The following DIAPH2 variants were observed in gnomAD, a reference collection of about 807,000 sequenced individuals.
The protein encoded by DIAPH2 is diaphanous related formin 2.
DIAPH2 carries 35 observed loss-of-function variants against 92.7 expected under a neutral mutation model. The observed-to-expected ratio is 0.38, with a 90% CI of 0.29 to 0.50. The LOEUF (loss-of-function observed/expected upper bound fraction) is 0.50, where lower values mean the gene tolerates loss of function less well. Among genes scored for constraint, DIAPH2 ranks in the 20% least tolerant of loss-of-function variants. The pLI is 0.94. For synonymous variants in DIAPH2, 301 were observed against 280.4 expected (o/e 1.07, Z -0.73); for missense variants, 701 against 819.5 (o/e 0.86, Z 1.77).
intron 20 of DIAPH2, among the ~76,000 whole-genome samples, chrX:97,106,725 A>C (rs1035132193): frequency 9.0e-6 from 1 of 111,054 alleles, no homozygotes; most frequent in African/African-American, 3.3e-5. Flanking sequence ...CGAGATCAGG[A>C]GTTCGAGACC....
At chrX:97,377,156 A>G (rs2069508522) in intron 24 of DIAPH2, among the ~76,000 whole-genome samples, 1 of 111,720 alleles carries the variant, frequency 9.0e-6, no homozygotes, top group Non-Finnish European at 1.9e-5. Context: ...TGGAGTTGTC[A>G]TCTTGTGTGA....
intron 25 of DIAPH2, among the ~76,000 whole-genome samples, chrX:97,397,082 T>G (rs2147745174): frequency 8.9e-6 from 1 of 112,008 alleles, no homozygotes; most frequent in Admixed American, 9.5e-5. Context: ...CTTAACTTGT[T>G]AGTGGGATAA....
intron 26 of DIAPH2, among the ~76,000 whole-genome samples, chrX:97,538,836 A>G (rs769186235): frequency 1.8e-5 from 2 of 112,281 alleles, no homozygotes; most frequent in Non-Finnish European, 3.8e-5. Flanking sequence ...GTTGATTTCT[A>G]TCTAAGTAGA....
intron 19 of DIAPH2, among the ~76,000 whole-genome samples, chrX:97,089,006 C>A (rs1445760470): frequency 9.0e-6 from 1 of 110,680 alleles, no homozygotes; most frequent in African/African-American, 3.3e-5. Context: ...AACAGAACAG[C>A]CACTTGGTTC....
At chrX:96,884,557 G>T (rs1325329868) in intron 5 of DIAPH2, 9 of 1,208,473 alleles carry the variant, frequency 7.4e-6, no homozygotes, top group African/African-American at 1.8e-5. Context: ...AATCAGAGGG[G>T]CAGAGAAGGC....
chrX:97,430,004 AT>A (rs1376102316), intron 26 of DIAPH2, among the ~76,000 whole-genome samples: 1 of 111,702 alleles, frequency 9.0e-6, no homozygotes, highest in Non-Finnish European at 1.9e-5. Flanking sequence ...AATATTAAAT[AT>A]TTTAATTGTT....
chrX:97,141,463 G>A (rs956156519), intron 21 of DIAPH2, among the ~76,000 whole-genome samples: 19 of 110,894 alleles, frequency 1.7e-4, no homozygotes, highest in African/African-American at 5.9e-4. Flanking sequence ...GTTTAATTTG[G>A]CACTTTTACT....
intron 22 of DIAPH2, among the ~76,000 whole-genome samples, chrX:97,205,540 C>T (rs1242710024): frequency 9.0e-6 from 1 of 111,000 alleles, no homozygotes; most frequent in African/African-American, 3.3e-5. Flanking sequence ...GAAATGTGGC[C>T]AACAGATACA....
At chrX:97,575,945 C>A (rs946867825) in intron 26 of DIAPH2, among the ~76,000 whole-genome samples, 3 of 111,944 alleles carry the variant, frequency 2.7e-5, no homozygotes, top group Non-Finnish European at 3.8e-5. Context: ...AAGCCAAACA[C>A]CAAAGCACTG....
At chrX:97,180,699 G>T (rs758756873) in intron 22 of DIAPH2, among the ~76,000 whole-genome samples, 1 of 111,688 alleles carries the variant, frequency 9.0e-6, no homozygotes, top group African/African-American at 3.3e-5. Context: ...TAAGGAAGGG[G>T]TCCAATTTTA....
chrX:97,404,915 T>C (rs1030923492), intron 25 of DIAPH2, among the ~76,000 whole-genome samples: 1 of 112,064 alleles, frequency 8.9e-6, no homozygotes, highest in Admixed American at 9.5e-5. Flanking sequence ...GGCAGATATA[T>C]CGATATTCTA....
chrX:97,398,758 T>G (rs1479020405), intron 25 of DIAPH2, among the ~76,000 whole-genome samples: 1 of 106,925 alleles, frequency 9.4e-6, no homozygotes, highest in East Asian at 2.9e-4. Flanking sequence ...TTTTTTTTTT[T>G]TGTGATGGAG....
intron 17 of DIAPH2, among the ~76,000 whole-genome samples, chrX:97,030,695 T>C (rs1394718567): frequency 8.9e-6 from 1 of 111,919 alleles, no homozygotes; most frequent in African/African-American, 3.2e-5. Context: ...AATCACCTTA[T>C]TCAATTTTGC....
chrX:96,903,820 G>C (rs2065415552), intron 5 of DIAPH2, among the ~76,000 whole-genome samples: 1 of 111,844 alleles, frequency 8.9e-6, no homozygotes, highest in Non-Finnish European at 1.9e-5. Flanking sequence ...GATAGATTTG[G>C]GCATAAGCCA....
At chrX:97,223,249 A>G (rs1011353641) in intron 22 of DIAPH2, among the ~76,000 whole-genome samples, 7 of 111,686 alleles carry the variant, frequency 6.3e-5, no homozygotes, top group African/African-American at 2.3e-4. Flanking sequence ...ACTGTTATAT[A>G]TATGGCTCAA....
At chrX:96,984,299 G>T (rs751359229) in intron 17 of DIAPH2, among the ~76,000 whole-genome samples, 83 of 111,495 alleles carry the variant, frequency 7.4e-4, no homozygotes, top group African/African-American at 2.5e-3. Flanking sequence ...GATATTTAGG[G>T]ATTGTTTAGA....
intron 23 of DIAPH2, among the ~76,000 whole-genome samples, chrX:97,273,798 C>G (rs2068411019): frequency 9.0e-6 from 1 of 111,674 alleles, no homozygotes; most frequent in Admixed American, 9.6e-5. Flanking sequence ...TGAGTCAGTA[C>G]CCAGTTATAC....
At chrX:97,276,436 A>G (rs2068452724) in intron 23 of DIAPH2, among the ~76,000 whole-genome samples, 1 of 112,174 alleles carries the variant, frequency 8.9e-6, no homozygotes, top group Admixed American at 9.4e-5. Context: ...TGAGTTCCTT[A>G]CATAAATAAG....
chrX:97,041,582 G>A lies in DIAPH2; in HGVS notation c.2051-31359G>A, dbSNP rs150180764. 5.0e-3 allele frequency among the ~76,000 whole-genome samples: 557 copies of A among 111,474 alleles called. 22 individuals carry two copies. The East Asian group carries it at 0.13, about 26-fold the overall frequency. ...ATTCTGGGACAGTGTAAGCCAATGG[G>A]AAATTTTGACTTAATGAATTTCCCA... On this transcript the variant is annotated intron_variant, in intron 17 of 26. Transcript: ENST00000324765.
Sources: allele counts gnomAD v4.1 joint callset (sites outside exome capture counted in the v4.1 genomes callset), GRCh38; gene constraint gnomAD v4.1.1; transcripts MANE v1.5; gene names NCBI Gene and HGNC (gene_info 2026-07-23, HGNC 2026-07-21).